The following ZZEF1 variants were observed in gnomAD, a reference collection of about 807,000 sequenced individuals.
ZZEF1 encodes zinc finger ZZ-type and EF-hand domain-containing protein 1.
ZZEF1 carries 157 observed loss-of-function variants against 342.8 expected under a neutral mutation model. The observed-to-expected ratio is 0.46, with a 90% CI of 0.40 to 0.52. The LOEUF (loss-of-function observed/expected upper bound fraction) is 0.52, where lower values mean the gene tolerates loss of function less well. ZZEF1 is among the 20% of genes least tolerant of loss of function. The pLI is 0.00. For missense variants in ZZEF1, 3,480 were observed against 3,725.6 expected, an observed-to-expected ratio of 0.93 and a Z score of 1.72; for synonymous variants, 1,505 against 1,429.1, an observed-to-expected ratio of 1.05 and a Z score of -1.20.
At chr17:4,045,462 GAAT>G (rs1163525785) in intron 37 of ZZEF1, among the ~76,000 whole-genome samples, 1 of 152,098 alleles carries the variant, frequency 6.6e-6, no homozygotes, top group African/African-American at 2.4e-5. Context: ...TTTATTTACA[GAAT>G]AATTAGAAAA....
intron 52 of ZZEF1, among the ~76,000 whole-genome samples, chr17:4,010,724 CAAAA>C (rs58349682): frequency 1.2e-5 from 1 of 85,268 alleles, no homozygotes; most frequent in Non-Finnish European, 2.1e-5. Context: ...GATTCCGTCT[CAAAA>C]AAAAAAAGAA....
At chr17:4,026,789 G>A (rs941618088) in intron 42 of ZZEF1, among the ~76,000 whole-genome samples, 1 of 151,832 alleles carries the variant, frequency 6.6e-6, no homozygotes, top group Non-Finnish European at 1.5e-5. Context: ...CAAAGTGCTG[G>A]GATTACAGGT....
At chr17:4,049,664 A>C in intron 37 of ZZEF1, 44 bp downstream of exon 37, 1 of 1,611,218 alleles carries the variant, frequency 6.2e-7, no homozygotes, top group Non-Finnish European at 8.5e-7. Context: ...GGCTCTCTCT[A>C]GAGTTCAACC....
chr17:4,054,707 AG>A (rs1393181471), intron 33 of ZZEF1, among the ~76,000 whole-genome samples: 1 of 152,218 alleles, frequency 6.6e-6, no homozygotes, highest in Non-Finnish European at 1.5e-5. Flanking sequence ...TATCAGTCTT[AG>A]GAGTTACAGA....
chr17:4,048,760 T>C (rs777024451), intron 37 of ZZEF1, among the ~76,000 whole-genome samples: 6 of 152,126 alleles, frequency 3.9e-5, no homozygotes, highest in South Asian at 2.1e-4. Context: ...GTCGCCCAGT[T>C]TGGAGTGCAG....
At chr17:4,127,217 T>C (rs551502774) in intron 1 of ZZEF1, among the ~76,000 whole-genome samples, 15 of 152,058 alleles carry the variant, frequency 9.9e-5, no homozygotes, top group Non-Finnish European at 2.2e-4. Context: ...CTGCCTAGGC[T>C]GGTCTCAAAC....
intron 39 of ZZEF1, among the ~76,000 whole-genome samples, chr17:4,037,148 ATAAC>A (rs1450540745): frequency 1.3e-5 from 2 of 152,232 alleles, no homozygotes; most frequent in African/African-American, 2.4e-5. Context: ...CCATACTGAT[ATAAC>A]TAACTAAATA....
At chr17:4,056,401 T>C (rs1567799940) in intron 32 of ZZEF1, 56 bp from the exon 33 acceptor site, 2 of 1,512,408 alleles carry the variant, frequency 1.3e-6, no homozygotes, top group African/African-American at 1.4e-5. Context: ...CCAAGGAAAG[T>C]ACTGGTTAGC....
At chr17:4,028,045 T>C (rs2056456488) in intron 42 of ZZEF1, among the ~76,000 whole-genome samples, 2 of 152,178 alleles carry the variant, frequency 1.3e-5, no homozygotes, top group South Asian at 2.1e-4. Context: ...GGATTTACAG[T>C]AGTGTACCTT....
intron 33 of ZZEF1, among the ~76,000 whole-genome samples, chr17:4,054,633 G>A (rs954541796): frequency 1.3e-5 from 2 of 152,168 alleles, no homozygotes; most frequent in African/African-American, 4.8e-5. Context: ...TCAGTGCGTC[G>A]AATACAGTAC....
At position 4,081,430 on chromosome 17, in the gene ZZEF1, G is replaced by A. The variant is rs370058505; in HGVS notation, c.2775C>T (p.Asn925=). 3.7e-6 allele frequency: 6 copies of A among 1,614,096 alleles called. No homozygotes were observed. The highest frequency in any genetic ancestry group is 4.2e-6 in the Non-Finnish European group (5 of 1,180,028). The change falls in exon 18 of 55, where the codon AAC becomes AAT. Residue 925 remains asparagine (N), a synonymous_variant. Coordinates refer to ENST00000381638, the MANE Select transcript of ZZEF1 (RefSeq NM_015113.4). The part of the protein sequence containing the change: ...LPEKNDLAKM[N]ISEVLAVMDT... The stretch of plus-strand genomic sequence containing the variant: ...CCATGACCGCCAGGACTTCACTGAT[G>A]TTCATCTTGGCCAGGTCGTTCTTCT...
At chr17:4,056,483 C>G in intron 32 of ZZEF1, 138 bp from the exon 33 acceptor site, 1 of 871,254 alleles carries the variant, frequency 1.1e-6, no homozygotes, top group Non-Finnish European at 1.6e-6. Context: ...AACTGCTTTT[C>G]AAAGCCCCAG....
At position 4,090,702 on chromosome 17, in the gene ZZEF1, G is replaced by A. The variant is rs763603023; in HGVS notation, c.2025+17C>T. 17 of 1,599,816 alleles carry A rather than the reference G, an allele frequency of 1.1e-5. No homozygotes were observed. Among genetic ancestry groups the A allele is most frequent in the East Asian group, 8.9e-5 (4 of 44,840 alleles). The stretch of plus-strand genomic sequence containing the variant: ...AATAAAAGGAGGGGAGTGGGCAAAC[G>A]ACGCACTAATGCTTACTTTGGCAAC... On this transcript the variant is annotated intron_variant, in intron 12 of 54. Transcript: ENST00000381638.
chr17:4,033,110 T>A (rs2056585054), intron 40 of ZZEF1, 108 bp from the exon 41 acceptor site: 1 of 1,066,094 alleles, frequency 9.4e-7, no homozygotes, highest in African/African-American at 1.6e-5. Flanking sequence ...GAGCCATTCA[T>A]TAACTAGCTT....
chr17:4,028,583 C>A (rs902865799), intron 42 of ZZEF1, among the ~76,000 whole-genome samples: 16 of 151,268 alleles, frequency 1.1e-4, no homozygotes, highest in Non-Finnish European at 1.8e-4. Flanking sequence ...ATTCAACCAT[C>A]TTGATAACTG....
chr17:4,032,838 C>T lies in ZZEF1; in HGVS notation c.6749G>A (p.Gly2250Asp), dbSNP rs1255768561. ...TNIFTLLVLV[G>D]FPQVLCVGTR... ...TTCAGAGTGTGGTACCTGGGGGAAGCCAACCAGCACGAGCAGGGTGAAGAT... is the reference window on the plus strand; with the variant it reads ...TTCAGAGTGTGGTACCTGGGGGAAGTCAACCAGCACGAGCAGGGTGAAGAT... The change falls in exon 41 of 55, where the codon GGC becomes GAC. Residue 2250 changes from glycine (G) to aspartate (D), a missense_variant. Physicochemically the swap from Gly to Asp is moderately conservative, Grantham distance 94. Around this residue, in one of 5 missense-constraint regions of ZZEF1, gnomAD observed 1,269 missense variants for 1,342.4 expected, o/e 0.95. Coordinates refer to ENST00000381638, the MANE Select transcript of ZZEF1 (RefSeq NM_015113.4). 4 of 1,613,966 alleles carry T rather than the reference C, an allele frequency of 2.5e-6. No homozygotes were observed. Among genetic ancestry groups the T allele is most frequent in the Non-Finnish European group, 3.4e-6 (4 of 1,179,850 alleles).
chr17:4,120,163 C>A (rs1159395001), intron 2 of ZZEF1, among the ~76,000 whole-genome samples: 1 of 152,094 alleles, frequency 6.6e-6, no homozygotes, highest in East Asian at 1.9e-4. Flanking sequence ...CCAAGAGCAG[C>A]CTGGCCAACA....
chr17:4,101,745 G>A (rs2058130186), intron 9 of ZZEF1, among the ~76,000 whole-genome samples: 1 of 152,088 alleles, frequency 6.6e-6, no homozygotes, highest in East Asian at 1.9e-4. Context: ...TCATGCCTCA[G>A]CCTCCCAAGT....
chr17:4,005,317 C>T lies in ZZEF1; in HGVS notation c.*1573G>A, dbSNP rs756602705. ...AAGGGTTTCTACGGAGCCAGCAGCA[C>T]CTGCCTATTCAGGTCCCAAGCCACA... On this transcript the variant is annotated 3_prime_UTR_variant, in exon 55 of 55. Coordinates refer to ENST00000381638, the MANE Select transcript of ZZEF1 (RefSeq NM_015113.4). The T allele has an allele frequency of 1.3e-5, 2 of 152,510 alleles. No individual in the cohort carries two copies. Among genetic ancestry groups the T allele is most frequent in the Non-Finnish European group, 2.9e-5 (2 of 68,268 alleles). 9.4% of individuals were successfully genotyped at this position (152,510 alleles called of 1,614,324 possible).
Sources: gnomAD v4.1 joint callset for allele counts (sites outside exome capture counted in the v4.1 genomes callset) on GRCh38, gnomAD v4.1.1 for gene constraint, gnomAD v4.1.1 regional missense constraint, MANE v1.5 for transcripts, NCBI Gene and HGNC (gene_info 2026-07-23, HGNC 2026-07-21) for gene names.